RHOJ: variants seen among roughly 807,000 people sequenced by gnomAD.
RHOJ encodes ras homolog family member J.
RHOJ carries 11 observed loss-of-function variants against 23.4 expected under a neutral mutation model. The observed-to-expected ratio is 0.47, with a 90% CI of 0.30 to 0.78. The LOEUF (loss-of-function observed/expected upper bound fraction) is 0.78, where lower values mean the gene tolerates loss of function less well. RHOJ is among the 30% of genes least tolerant of loss of function. The pLI is 0.08. For synonymous variants in RHOJ, 102 were observed against 102.7 expected (o/e 0.99, Z 0.04); for missense variants, 254 against 273.4 (o/e 0.93, Z 0.50).
Position 63,230,692 on chromosome 14 carries a change from TACACAC to T in RHOJ, c.178+25667_178+25672del, listed in dbSNP as rs58916971. ...ATCTAATACATTGCACACACATATG[TACACAC>T]ACACACACACACACACACACATACA... On this transcript the variant is annotated intron_variant, in intron 1 of 4. Coordinates refer to ENST00000316754, the MANE Select transcript of RHOJ (RefSeq NM_020663.5). Among the ~76,000 whole-genome samples the T allele has an allele frequency of 5.2e-3, 776 of 148,842 alleles. 5 individuals are homozygous for T. Among genetic ancestry groups the T allele is most frequent in the Non-Finnish European group, 8.3e-3 (552 of 66,782 alleles).
At chr14:63,213,758 T>C (rs1051364043) in intron 1 of RHOJ, among the ~76,000 whole-genome samples, 2 of 152,224 alleles carry the variant, frequency 1.3e-5, no homozygotes, top group Admixed American at 1.3e-4. Flanking sequence ...TTCAGGGATC[T>C]ACTTTTTTCC....
At chr14:63,288,587 T>C (rs932238884) in intron 4 of RHOJ, among the ~76,000 whole-genome samples, 7 of 152,240 alleles carry the variant, frequency 4.6e-5, no homozygotes, top group Non-Finnish European at 1.0e-4. Context: ...CATTATGTTA[T>C]TAGGAAAATT....
intron 1 of RHOJ, among the ~76,000 whole-genome samples, chr14:63,218,323 G>T (rs972455127): frequency 1.3e-5 from 2 of 152,078 alleles, no homozygotes; most frequent in African/African-American, 4.8e-5. Context: ...CCAAAAATCT[G>T]CATTTTTAAC....
intron 3 of RHOJ, among the ~76,000 whole-genome samples, chr14:63,281,444 G>A (rs535008019): frequency 1.3e-5 from 2 of 152,098 alleles, no homozygotes; most frequent in Non-Finnish European, 2.9e-5. Context: ...GCAATGAGGT[G>A]AGGGTGTCAA....
At chr14:63,274,339 A>C (rs377120694) in intron 2 of RHOJ, among the ~76,000 whole-genome samples, 1 of 152,150 alleles carries the variant, frequency 6.6e-6, no homozygotes, top group African/African-American at 2.4e-5. Context: ...GGAGTAGGCA[A>C]TTTGGGAGAT....
intron 2 of RHOJ, among the ~76,000 whole-genome samples, chr14:63,276,331 A>G (rs1049409421): frequency 6.6e-6 from 1 of 152,214 alleles, no homozygotes. Flanking sequence ...CTAATCTTTA[A>G]GGCCTTTTCT....
intron 1 of RHOJ, among the ~76,000 whole-genome samples, chr14:63,216,374 A>C (rs1219011094): frequency 6.6e-6 from 1 of 152,238 alleles, no homozygotes; most frequent in African/African-American, 2.4e-5. Flanking sequence ...AATATATGCC[A>C]GGTACAAACC....
chr14:63,231,774 G>A (rs1461832501), intron 1 of RHOJ, among the ~76,000 whole-genome samples: 1 of 152,170 alleles, frequency 6.6e-6, no homozygotes, highest in East Asian at 1.9e-4. Context: ...GGTGGCTTCT[G>A]CTATTGTTGT....
At position 63,254,909 on chromosome 14, in the gene RHOJ, G is replaced by A. The variant is rs544793029; in HGVS notation, c.179-14201G>A. Among the ~76,000 whole-genome samples the A allele has an allele frequency of 3.4e-3, 515 of 152,144 alleles. 3 individuals are homozygous for A. Among genetic ancestry groups the A allele is most frequent in the Non-Finnish European group, 5.2e-3 (351 of 68,000 alleles). On this transcript the variant is annotated intron_variant, in intron 1 of 4. Coordinates refer to ENST00000316754, the MANE Select transcript of RHOJ (RefSeq NM_020663.5). Reference sequence around the variant, plus strand: ...AGAAAGCACGTTGGGTTTTTATAGCGATCCAAGCTGCTGGGTACAATCTAC... The same window carrying A: ...AGAAAGCACGTTGGGTTTTTATAGCAATCCAAGCTGCTGGGTACAATCTAC...
At chr14:63,249,716 C>T (rs1955682) in intron 1 of RHOJ, among the ~76,000 whole-genome samples, 1,607 of 152,314 alleles carry the variant, frequency 0.011, 16 homozygotes, top group Non-Finnish European at 0.016. Flanking sequence ...TATACCTCAT[C>T]AATCTAATGC....
At chr14:63,285,723 G>A (rs1237164797) in intron 4 of RHOJ, among the ~76,000 whole-genome samples, 3 of 151,758 alleles carry the variant, frequency 2.0e-5, no homozygotes, top group Non-Finnish European at 4.4e-5. Context: ...TTACACATTT[G>A]TAACTGCCCC....
At chr14:63,285,389 C>T (rs1469655018) in intron 4 of RHOJ, among the ~76,000 whole-genome samples, 3 of 152,092 alleles carry the variant, frequency 2.0e-5, no homozygotes, top group African/African-American at 4.8e-5. Flanking sequence ...ATACTGGAGT[C>T]CCTTATTTTC....
At chr14:63,259,612 G>T (rs561593490) in intron 1 of RHOJ, among the ~76,000 whole-genome samples, 20 of 152,286 alleles carry the variant, frequency 1.3e-4, no homozygotes, top group Non-Finnish European at 2.4e-4. Context: ...TAATAATAAA[G>T]GTAACAGTGA....
chr14:63,217,085 CT>C lies in RHOJ; in HGVS notation c.178+12049del, dbSNP rs71120253. On this transcript the variant is annotated intron_variant, in intron 1 of 4. Coordinates refer to ENST00000316754, the MANE Select transcript of RHOJ (RefSeq NM_020663.5). ...TTTCCCGCTTTTTTTTTCTTTTTTT[CT>C]TTTTTTTTTTATTATTATACTTTAA... 7.3e-3 allele frequency among the ~76,000 whole-genome samples: 1,083 copies of C among 148,832 alleles called. 15 individuals carry two copies. Among genetic ancestry groups the C allele is most frequent in the African/African-American group, 0.025 (1,016 of 40,198 alleles).
At chr14:63,282,918 G>C (rs143249489) in intron 3 of RHOJ, among the ~76,000 whole-genome samples, 1 of 152,122 alleles carries the variant, frequency 6.6e-6, no homozygotes, top group Non-Finnish European at 1.5e-5. Context: ...AGGGGAAAAC[G>C]TAAGGAAAGT....
At chr14:63,254,209 T>A (rs1348408035) in intron 1 of RHOJ, among the ~76,000 whole-genome samples, 1 of 152,198 alleles carries the variant, frequency 6.6e-6, no homozygotes, top group Non-Finnish European at 1.5e-5. Context: ...GCCCAAGCCA[T>A]GGGCTCAATA....
intron 1 of RHOJ, among the ~76,000 whole-genome samples, chr14:63,258,098 G>T (rs1415585905): frequency 1.4e-5 from 2 of 145,392 alleles, no homozygotes; most frequent in African/African-American, 2.5e-5. Context: ...CTCAGTGGCG[G>T]GCGCCTGTCA....
intron 1 of RHOJ, among the ~76,000 whole-genome samples, chr14:63,266,856 T>C (rs1201867070): frequency 4.6e-5 from 7 of 152,192 alleles, no homozygotes; most frequent in Admixed American, 4.6e-4. Context: ...CAAAGAAGGA[T>C]AGTTTGACTT....
In RHOJ at chr14:63,237,522, C is replaced by T. The variant is rs547858141; in HGVS notation, c.179-31588C>T. The stretch of plus-strand genomic sequence containing the variant: ...ATCATTTCTAAAATCTTCCTAGCTT[C>T]CCTCTTAGGCCAAAGCAGGAGACTA... On this transcript the variant is annotated intron_variant, in intron 1 of 4. Coordinates refer to ENST00000316754, the MANE Select transcript of RHOJ (RefSeq NM_020663.5). Among the ~76,000 whole-genome samples, 13 of 152,260 alleles carry T rather than the reference C, an allele frequency of 8.5e-5. No individual in the cohort carries two copies. The South Asian group carries it at 2.5e-3, about 29-fold the overall frequency.
Sources: gnomAD v4.1 joint callset for allele counts (sites outside exome capture counted in the v4.1 genomes callset) on GRCh38, gnomAD v4.1.1 for gene constraint, MANE v1.5 for transcripts, NCBI Gene and HGNC (gene_info 2026-07-23, HGNC 2026-07-21) for gene names.